Variants in ATG13 observed in about 807,000 individuals in gnomAD.
ATG13 encodes autophagy related 13.
A neutral mutation model predicts 65.5 loss-of-function variants in ATG13; 23 were observed. The observed-to-expected ratio is 0.35, with a 90% CI of 0.25 to 0.50. The LOEUF is 0.50. Ranked by LOEUF, ATG13 falls within the 20% of genes least tolerant of loss-of-function variation. The probability of loss-of-function intolerance (pLI) is 0.98; values close to 1 mark genes in which losing one functional copy is unlikely to be tolerated. For synonymous variants in ATG13, 252 were observed against 245.2 expected (o/e 1.03, Z -0.26); for missense variants, 566 against 677.0 (o/e 0.84, Z 1.82).
chr11:46,661,375 G>A (rs2061173337), intron 11 of ATG13, among the ~76,000 whole-genome samples: 1 of 151,554 alleles, frequency 6.6e-6, no homozygotes, highest in South Asian at 2.1e-4. Flanking sequence ...AAAATTAGCT[G>A]GGCCTAGCGG....
At position 46,657,023 on chromosome 11, in the gene ATG13, C is replaced by A. The variant is rs1003124013; in HGVS notation, c.500-72C>A. ...AGATTACACAATAGGCCAAATAATT[C>A]AGGGAAAGACGGTCTGGGGGCAGTG... On this transcript the variant is annotated intron_variant, in intron 8 of 18. Coordinates refer to ENST00000683050, the MANE Select transcript of ATG13 (RefSeq NM_001346311.2). 2.9e-5 allele frequency: 38 copies of A among 1,293,830 alleles called. No individual in the cohort carries two copies. The Admixed American group carries it at 5.9e-4, about 20-fold the overall frequency. 80.1% of individuals were successfully genotyped at this position (1,293,830 alleles called of 1,614,324 possible). A position where few individuals can be genotyped will look rare whatever the true frequency, so the allele number is the denominator to read the frequency against.
intron 7 of ATG13, among the ~76,000 whole-genome samples, chr11:46,655,949 G>T (rs1172660622): frequency 1.3e-5 from 2 of 152,136 alleles, no homozygotes; most frequent in African/African-American, 4.8e-5. Context: ...GCCCAGACTG[G>T]TCTTGAACTC....
chr11:46,617,989 AGGGATTAGCCACG>A (rs2045861933), intron 1 of ATG13, 99 bp downstream of exon 1: 1 of 398,410 alleles, frequency 2.5e-6, no homozygotes, highest in South Asian at 1.3e-4. Flanking sequence ...TGGAAGTAGA[AGGGATTAGCCACG>A]GTTCAATCCC....
chr11:46,618,621 T>C (rs2046170154), intron 1 of ATG13, among the ~76,000 whole-genome samples: 1 of 152,316 alleles, frequency 6.6e-6, no homozygotes, highest in South Asian at 2.1e-4. Flanking sequence ...TAGTGGGAGA[T>C]GTATTATAAT....
At chr11:46,631,318 G>A (rs2051657506) in intron 2 of ATG13, among the ~76,000 whole-genome samples, 2 of 152,146 alleles carry the variant, frequency 1.3e-5, no homozygotes, top group South Asian at 4.1e-4. Flanking sequence ...GGCTTCCAAA[G>A]TGCTGGGATT....
chr11:46,650,645 G>A (rs996510234), intron 7 of ATG13, among the ~76,000 whole-genome samples: 6 of 152,150 alleles, frequency 3.9e-5, no homozygotes, highest in African/African-American at 9.7e-5. Flanking sequence ...TCGCTCCATC[G>A]CCCAGGTTAG....
intron 1 of ATG13, among the ~76,000 whole-genome samples, chr11:46,627,146 C>T (rs918273087): frequency 1.3e-5 from 2 of 152,118 alleles, no homozygotes; most frequent in Non-Finnish European, 2.9e-5. Context: ...TGTGGGAGGC[C>T]GCAGTGGGCA....
In ATG13 at chr11:46,659,458, C is replaced by T; in HGVS notation, c.762C>T (p.Thr254=). ...SVEDSQEVCT[T]SFSTSPPSQC... Reference sequence around the variant, plus strand: ...AAGACTCTCAAGAAGTGTGTACCACCTCTTTTTCCACCTCCCCACCATCCC... The same window carrying T: ...AAGACTCTCAAGAAGTGTGTACCACTTCTTTTTCCACCTCCCCACCATCCC... Residue 254 remains threonine, a synonymous_variant, in exon 11 of 19, where the codon ACC becomes ACT. Transcript: ENST00000683050. The T allele has an allele frequency of 6.2e-7, 1 of 1,614,014 alleles. No individual in the cohort carries two copies. The highest frequency in any genetic ancestry group is 1.3e-5 in the African/African-American group (1 of 75,022).
At chr11:46,662,111 CAAAA>C (rs1199735793) in intron 11 of ATG13, among the ~76,000 whole-genome samples, 1 of 152,004 alleles carries the variant, frequency 6.6e-6, no homozygotes, top group East Asian at 1.9e-4. Context: ...GTAGCATTGA[CAAAA>C]AAAGCAGACA....
chr11:46,636,630 TG>T (rs1332656819), intron 2 of ATG13, among the ~76,000 whole-genome samples: 5 of 152,208 alleles, frequency 3.3e-5, no homozygotes, highest in Admixed American at 2.6e-4. Context: ...TTCCTTTTTT[TG>T]TTGGGGGTAG....
chr11:46,644,163 C>T (rs535088197), intron 2 of ATG13, 116 bp from the exon 3 acceptor site: 3 of 703,362 alleles, frequency 4.3e-6, no homozygotes, highest in East Asian at 3.1e-5. Flanking sequence ...AATTTTTTTC[C>T]TCCCACTCCC....
chr11:46,669,520 G>A lies in ATG13; in HGVS notation c.1563G>A (p.Met521Ile). The A allele has an allele frequency of 6.2e-7, 1 of 1,614,040 alleles. No homozygotes were observed. The highest frequency in any genetic ancestry group is 1.1e-5 in the South Asian group (1 of 91,080). The change falls in exon 18 of 19, where the codon ATG becomes ATA. Residue 521 changes from methionine to isoleucine, a missense_variant. Met to Ile is a conservative substitution (Grantham distance 10). Transcript: ENST00000683050. ...SLSIDIGAQS[M>I]AEDLDSLPEK... ...CCATAGATATTGGAGCACAGTCCAT[G>A]GCTGAAGACTTGGTATGGAAACGTC...
intron 5 of ATG13, among the ~76,000 whole-genome samples, chr11:46,646,603 A>G (rs2057621448): frequency 6.6e-6 from 1 of 152,102 alleles, no homozygotes; most frequent in African/African-American, 2.4e-5. Flanking sequence ...GGCTTGGATT[A>G]CAGGAGCCTA....
At chr11:46,621,647 C>T (rs1730783356) in intron 1 of ATG13, among the ~76,000 whole-genome samples, 1 of 152,108 alleles carries the variant, frequency 6.6e-6, no homozygotes. Flanking sequence ...TTGCCCACCT[C>T]TCAACATTGC....
chr11:46,629,351 A>G (rs960158823), intron 1 of ATG13, among the ~76,000 whole-genome samples: 1 of 152,092 alleles, frequency 6.6e-6, no homozygotes, highest in Non-Finnish European at 1.5e-5. Context: ...TTCACTTTGT[A>G]TTATGTGAGA....
At position 46,669,594 on chromosome 11, in the gene ATG13, G is replaced by A. The variant is rs2063230684; in HGVS notation, c.1575+62G>A. 2.6e-6 allele frequency: 4 copies of A among 1,566,058 alleles called. No individual in the cohort carries two copies. In the East Asian group the frequency reaches 9.0e-5, roughly 35 times the overall value. On this transcript the variant is annotated intron_variant, in intron 18 of 18. Transcript: ENST00000683050. ...ATTTGATGGTCATTCCTTTGCCAAAGGCCTAGGAGGCCTACCACCTTCTAT... is the reference window on the plus strand; with the variant it reads ...ATTTGATGGTCATTCCTTTGCCAAAAGCCTAGGAGGCCTACCACCTTCTAT...
At chr11:46,620,876 AT>A (rs1208379575) in intron 1 of ATG13, among the ~76,000 whole-genome samples, 1 of 152,236 alleles carries the variant, frequency 6.6e-6, no homozygotes, top group Non-Finnish European at 1.5e-5. Context: ...GTCATAACTT[AT>A]AGAAACCTCC....
At chr11:46,629,691 C>T (rs1182619735) in intron 1 of ATG13, among the ~76,000 whole-genome samples, 1 of 152,144 alleles carries the variant, frequency 6.6e-6, no homozygotes, top group Non-Finnish European at 1.5e-5. Flanking sequence ...GCCACCATGC[C>T]TGGCCGACCC....
At chr11:46,639,853 ATTTTT>A (rs377458204) in intron 2 of ATG13, among the ~76,000 whole-genome samples, 1 of 126,984 alleles carries the variant, frequency 7.9e-6, no homozygotes. Flanking sequence ...TGCTTATGCA[ATTTTT>A]TTTTTTTTTT....
Sources: gnomAD v4.1 joint callset for allele counts (sites outside exome capture counted in the v4.1 genomes callset) on GRCh38, gnomAD v4.1.1 for gene constraint, MANE v1.5 for transcripts, NCBI Gene and HGNC (gene_info 2026-07-23, HGNC 2026-07-21) for gene names.